Variants in PRUNE2 observed in about 807,000 individuals in gnomAD.
PRUNE2 encodes the protein protein prune homolog 2.
PRUNE2 carries 164 observed loss-of-function variants against 252.0 expected under a neutral mutation model. The observed-to-expected ratio is 0.65, with a 90% CI of 0.57 to 0.74. The LOEUF is 0.74. Among genes scored for constraint, PRUNE2 ranks in the 30% least tolerant of loss-of-function variants. The pLI, the probability that PRUNE2 is intolerant of heterozygous loss-of-function variation, is 0.00. For missense variants in PRUNE2, 3,495 were observed against 3,711.0 expected (o/e 0.94, Z 1.51); for synonymous variants, 1,292 against 1,350.2 (o/e 0.96, Z 0.94).
At chr9:76,800,320 G>A (rs2056464703) in intron 6 of PRUNE2, among the ~76,000 whole-genome samples, 2 of 151,814 alleles carry the variant, frequency 1.3e-5, no homozygotes, top group South Asian at 4.2e-4. Context: ...TTGTCCTTGC[G>A]ATACTTTGCT....
intron 1 of PRUNE2, among the ~76,000 whole-genome samples, chr9:76,896,558 AT>A (rs1470952214): frequency 1.3e-5 from 2 of 152,152 alleles, no homozygotes; most frequent in Non-Finnish European, 2.9e-5. Flanking sequence ...GAATCCTTTC[AT>A]CGCTTTCTTT....
rs60514747 is a variant in PRUNE2, at chr9:76,891,835, T to C, written c.36+14093A>G. Among the ~76,000 whole-genome samples the C allele has an allele frequency of 2.5e-3, 381 of 152,320 alleles. 2 individuals carry two copies. The highest frequency in any genetic ancestry group is 8.6e-3 in the African/African-American group (358 of 41,574). On this transcript the variant is annotated intron_variant, in intron 1 of 18. Coordinates refer to ENST00000376718, the MANE Select transcript of PRUNE2 (RefSeq NM_015225.3). ...CTGGCTGTGTGTCTCTGGGCAAGGC[T>C]GGACTTAACCTCTCTGGCCTTGTTC...
intron 9 of PRUNE2, among the ~76,000 whole-genome samples, chr9:76,666,731 C>G (rs2040261345): frequency 1.3e-5 from 2 of 152,212 alleles, no homozygotes; most frequent in African/African-American, 2.4e-5. Context: ...TAGTGGTCCC[C>G]CGGGCCCAGC....
chr9:76,872,638 CACACA>C (rs1564479940), intron 1 of PRUNE2, among the ~76,000 whole-genome samples: 1 of 151,528 alleles, frequency 6.6e-6, no homozygotes, highest in African/African-American at 2.4e-5. Flanking sequence ...CACACACACA[CACACA>C]CCCTCACACC....
chr9:76,787,935 A>G (rs1325483077), intron 6 of PRUNE2, among the ~76,000 whole-genome samples: 1 of 151,786 alleles, frequency 6.6e-6, no homozygotes, highest in African/African-American at 2.4e-5. Flanking sequence ...CCACATCTCC[A>G]TGGTCACCAA....
At chr9:76,723,283 C>A (rs1200522083) in intron 6 of PRUNE2, among the ~76,000 whole-genome samples, 27 of 152,208 alleles carry the variant, frequency 1.8e-4, no homozygotes, top group Admixed American at 1.7e-3. Context: ...GGCATAATCA[C>A]TGGTTATCCA....
In PRUNE2 at chr9:76,711,256, C is replaced by G; in HGVS notation, c.1018G>C (p.Val340Leu). ...ILVYQQEDPS[V>L]TCDQVVLVVK... is the part of the protein sequence containing the mutation. ...ACGAGAACCACCTGATCACAAGTCACTGAAGGGTCCTCTTGTTGGTACACC... is the reference window on the plus strand; with the variant it reads ...ACGAGAACCACCTGATCACAAGTCAGTGAAGGGTCCTCTTGTTGGTACACC... Residue 340 changes from valine to leucine, a missense_variant, in exon 8 of 19, where the codon GTG becomes CTG. By Grantham distance (32) the Val-to-Leu change is conservative (BLOSUM62 1). Transcript: ENST00000376718. The G allele has an allele frequency of 6.2e-7, 1 of 1,613,914 alleles. No homozygotes were observed. Among genetic ancestry groups the G allele is most frequent in the Non-Finnish European group, 8.5e-7 (1 of 1,179,854 alleles).
At chr9:76,715,392 G>C (rs12336526) in intron 6 of PRUNE2, among the ~76,000 whole-genome samples, 2,799 of 152,222 alleles carry the variant, frequency 0.018, 82 homozygotes, top group African/African-American at 0.063. Flanking sequence ...CGCCCATCAC[G>C]GGCTTCCATG....
rs115422614 is a variant in PRUNE2 at position 76,664,083 on chromosome 9, G to C, written c.8277-8581C>G. 9.0e-3 allele frequency among the ~76,000 whole-genome samples: 1,373 copies of C among 152,302 alleles called. 12 individuals are homozygous for C. The highest frequency in any genetic ancestry group is 0.031 in the African/African-American group (1,281 of 41,576). On this transcript the variant is annotated intron_variant, in intron 9 of 18. Coordinates refer to ENST00000376718, the MANE Select transcript of PRUNE2 (RefSeq NM_015225.3). ...TTTGACACTCTTTTCAAAAGGTGGA[G>C]CCTAATTTCCCGTCCCTTAAGTGTG...
At chr9:76,854,780 G>T (rs2060148548) in intron 1 of PRUNE2, among the ~76,000 whole-genome samples, 1 of 151,952 alleles carries the variant, frequency 6.6e-6, no homozygotes, top group African/African-American at 2.4e-5. Flanking sequence ...GGTGTATATA[G>T]TCAGCCGGGC....
chr9:76,775,702 A>G (rs1446416677), intron 6 of PRUNE2, among the ~76,000 whole-genome samples: 1 of 152,118 alleles, frequency 6.6e-6, no homozygotes, highest in Non-Finnish European at 1.5e-5. Context: ...GAACTCCTCA[A>G]ATTTTCTTGG....
At chr9:76,875,494 T>A (rs992177756) in intron 1 of PRUNE2, among the ~76,000 whole-genome samples, 3 of 152,058 alleles carry the variant, frequency 2.0e-5, no homozygotes, top group African/African-American at 7.2e-5. Context: ...GCCTCCCGAG[T>A]AGCTGGGACT....
rs73653221 is a variant in PRUNE2 at position 76,844,518 on chromosome 9, G to A, written c.508+1997C>T. On this transcript the variant is annotated intron_variant, in intron 4 of 18. Coordinates refer to ENST00000376718, the MANE Select transcript of PRUNE2 (RefSeq NM_015225.3). ...AAATAAACCTCTTTCTAAATTACCC[G>A]ATCTCAGATATTCCTTTACAGCAAC... 9.6e-3 allele frequency among the ~76,000 whole-genome samples: 1,461 copies of A among 152,104 alleles called. 5 individuals are homozygous for A. The highest frequency in any genetic ancestry group is 0.022 in the South Asian group (105 of 4,820).
intron 6 of PRUNE2, among the ~76,000 whole-genome samples, chr9:76,782,028 C>T (rs1334334370): frequency 1.3e-5 from 2 of 152,110 alleles, no homozygotes; most frequent in African/African-American, 4.8e-5. Context: ...TCCTGGCTAA[C>T]ACGGTGAAAC....
chr9:76,898,205 T>C (rs1287872491), intron 1 of PRUNE2, among the ~76,000 whole-genome samples: 1 of 152,142 alleles, frequency 6.6e-6, no homozygotes. Context: ...AGGACAAAAG[T>C]CCTTCTAAGG....
chr9:76,835,615 C>T (rs2058917347), intron 4 of PRUNE2, among the ~76,000 whole-genome samples: 1 of 152,126 alleles, frequency 6.6e-6, no homozygotes, highest in African/African-American at 2.4e-5. Context: ...TCACTTCTTC[C>T]CCCTACCCCT....
chr9:76,642,222 G>A (rs1187249900), intron 12 of PRUNE2, among the ~76,000 whole-genome samples: 2 of 152,106 alleles, frequency 1.3e-5, no homozygotes, highest in Admixed American at 6.5e-5. Context: ...TTGGCTCATA[G>A]GATGTGAACA....
At chr9:76,696,822 A>G (rs1041824291) in intron 9 of PRUNE2, among the ~76,000 whole-genome samples, 5 of 152,176 alleles carry the variant, frequency 3.3e-5, no homozygotes, top group African/African-American at 1.2e-4. Context: ...CTAGGTCACT[A>G]TGCCTTTCAG....
intron 4 of PRUNE2, among the ~76,000 whole-genome samples, chr9:76,837,849 G>A (rs1191875752): frequency 6.7e-6 from 1 of 149,524 alleles, no homozygotes; most frequent in Admixed American, 6.7e-5. Flanking sequence ...TCGGCTCACT[G>A]CAAGCTCTGC....
Sources: gnomAD v4.1 joint callset for allele counts (sites outside exome capture counted in the v4.1 genomes callset) on GRCh38, gnomAD v4.1.1 for gene constraint, MANE v1.5 for transcripts, NCBI Gene and HGNC (gene_info 2026-07-23, HGNC 2026-07-21) for gene names.